SYNE2: variants seen among roughly 807,000 people sequenced by gnomAD.
SYNE2 encodes the protein nesprin-2.
In SYNE2, 431 loss-of-function variants were observed where a neutral mutation model predicts 856.3. That is an observed-to-expected ratio of 0.50 (90% confidence interval 0.47 to 0.55). The LOEUF is 0.55. SYNE2 is among the 20% of genes least tolerant of loss of function. SYNE2 has a pLI of 0.00. For missense variants in SYNE2, 8,129 were observed against 8,023.2 expected (o/e 1.01, Z -0.50); for synonymous variants, 2,923 against 2,872.3 (o/e 1.02, Z -0.56).
intron 57 of SYNE2, among the ~76,000 whole-genome samples, chr14:64,083,512 C>T (rs902193685): frequency 6.6e-6 from 1 of 152,004 alleles, no homozygotes; most frequent in East Asian, 1.9e-4. Context: ...AACTTCAGGA[C>T]ATTCTAAATT....
chr14:64,175,186 A>G (rs1267901585), intron 95 of SYNE2, 48 bp downstream of exon 95: 2 of 1,600,200 alleles, frequency 1.2e-6, no homozygotes, highest in African/African-American at 1.3e-5. Context: ...AATTCAGTAC[A>G]TAGATTTTCA....
intron 58 of SYNE2, among the ~76,000 whole-genome samples, chr14:64,089,270 G>A (rs1057255411): frequency 4.0e-5 from 6 of 151,160 alleles, no homozygotes; most frequent in South Asian, 2.1e-4. Flanking sequence ...GGAGGCTGAG[G>A]CAGGAGAATC....
At chr14:64,098,961 C>A (rs149018845) in intron 63 of SYNE2, 140 bp downstream of exon 63, 20 of 830,756 alleles carry the variant, frequency 2.4e-5, no homozygotes, top group African/African-American at 1.9e-4. Flanking sequence ...TGAAGTAGTT[C>A]TCTTATGTTA....
chr14:64,037,111 T>C (rs1317778710), intron 45 of SYNE2, among the ~76,000 whole-genome samples: 2 of 152,030 alleles, frequency 1.3e-5, no homozygotes, highest in Non-Finnish European at 2.9e-5. Flanking sequence ...GGGGAGCATT[T>C]TTGACAGAAA....
chr14:63,878,881 A>C (rs1272128705), intron 1 of SYNE2, among the ~76,000 whole-genome samples: 1 of 152,228 alleles, frequency 6.6e-6, no homozygotes, highest in Non-Finnish European at 1.5e-5. Flanking sequence ...AAAAAAGAAA[A>C]AAATCTAGGC....
chr14:64,170,538 A>C, intron 94 of SYNE2, 76 bp downstream of exon 94: 1 of 1,420,702 alleles, frequency 7.0e-7, no homozygotes, highest in East Asian at 2.5e-5. Context: ...CCTTTGGTTT[A>C]ATGTTTTTGA....
At chr14:64,167,887 G>A (rs1166239372) in intron 92 of SYNE2, among the ~76,000 whole-genome samples, 1 of 152,174 alleles carries the variant, frequency 6.6e-6, no homozygotes, top group Non-Finnish European at 1.5e-5. Context: ...GAAGCTTCTA[G>A]TACAACTTTG....
In SYNE2 at chr14:64,100,531, A is replaced by AATAT. The variant is rs1204839640; in HGVS notation, c.12382-1364_12382-1361dup. 8.5e-3 allele frequency among the ~76,000 whole-genome samples: 336 copies of AATAT among 39,314 alleles called. 10 individuals carry two copies. The highest frequency in any genetic ancestry group is 0.012 in the Non-Finnish European group (252 of 21,388). 25.8% of individuals were successfully genotyped at this position (39,314 alleles called of 152,430 possible). ...AACTGTCTCAAAAAAAAAAAAAAAA[A>AATAT]ATATATATATATATATATATATATA... On this transcript the variant is annotated intron_variant, in intron 63 of 115. Coordinates refer to ENST00000555002, the MANE Select transcript of SYNE2 (RefSeq NM_182914.3).
chr14:63,982,570 TA>T, intron 16 of SYNE2, 59 bp from the exon 17 acceptor site: 5 of 1,414,994 alleles, frequency 3.5e-6, no homozygotes, highest in Non-Finnish European at 4.0e-6. Flanking sequence ...ACATTGATTA[TA>T]CATAATAGAA....
chr14:64,039,461 T>C (rs1226991520), intron 45 of SYNE2, among the ~76,000 whole-genome samples: 2 of 152,212 alleles, frequency 1.3e-5, no homozygotes, highest in African/African-American at 4.8e-5. Context: ...GATCAAAATG[T>C]CGTGGTCCTG....
At chr14:64,163,674 G>A (rs1595921691) in intron 89 of SYNE2, 93 bp downstream of exon 89, 1 of 1,477,506 alleles carries the variant, frequency 6.8e-7, no homozygotes, top group East Asian at 2.3e-5. Context: ...TGCTTTACGG[G>A]CTGCTCCTTA....
intron 100 of SYNE2, chr14:64,208,270 T>A: frequency 2.4e-6 from 1 of 415,862 alleles, no homozygotes; most frequent in Non-Finnish European, 4.7e-6. Context: ...GCATCCACAC[T>A]GCTGCATGCA....
intron 1 of SYNE2, among the ~76,000 whole-genome samples, chr14:63,817,095 C>A (rs181622494): frequency 8.3e-4 from 126 of 152,242 alleles, no homozygotes; most frequent in African/African-American, 2.9e-3. Flanking sequence ...CCCTTGGATT[C>A]GACAATTCCA....
intron 109 of SYNE2, among the ~76,000 whole-genome samples, chr14:64,218,892 C>T (rs775371256): frequency 6.6e-6 from 1 of 152,114 alleles, no homozygotes; most frequent in Admixed American, 6.5e-5. Flanking sequence ...CTGACAGCAT[C>T]GACCTGGTCA....
At position 64,003,245 on chromosome 14, in the gene SYNE2, G is replaced by A. The variant is rs2096768921; in HGVS notation, c.4312G>A (p.Glu1438Lys). ...LLEACIFKNN[E>K]LLKNIQDVQS... Reference sequence around the variant, plus strand: ...AGAGGCTTGTATTTTCAAAAATAATGAACTCCTTAAAAATATTCAAGATGT... The same window carrying A: ...AGAGGCTTGTATTTTCAAAAATAATAAACTCCTTAAAAATATTCAAGATGT... Residue 1438 changes from glutamate to lysine, a missense_variant, in exon 30 of 116, where the codon GAA becomes AAA. Glu to Lys is a moderately conservative substitution (Grantham distance 56). This residue lies in a region of SYNE2 where 2,422 missense variants were observed against 2,357.4 expected (regional missense o/e 1.03). Transcript: ENST00000555002. The A allele has an allele frequency of 6.2e-7, 1 of 1,613,752 alleles. No individual in the cohort carries two copies. The highest frequency in any genetic ancestry group is 8.5e-7 in the Non-Finnish European group (1 of 1,179,906).
chr14:63,763,260 G>A (rs1414532894), intron 1 of SYNE2, among the ~76,000 whole-genome samples: 1 of 152,190 alleles, frequency 6.6e-6, no homozygotes, highest in African/African-American at 2.4e-5. Flanking sequence ...GAGCCACCAC[G>A]CCTGGCCAAC....
At chr14:63,791,964 A>G (rs983745230) in intron 1 of SYNE2, among the ~76,000 whole-genome samples, 3 of 151,706 alleles carry the variant, frequency 2.0e-5, no homozygotes, top group African/African-American at 7.3e-5. Flanking sequence ...ACAAAAACAA[A>G]ACTTAAAAAT....
intron 2 of SYNE2, among the ~76,000 whole-genome samples, chr14:63,931,352 C>T (rs2095751672): frequency 6.6e-6 from 1 of 151,956 alleles, no homozygotes; most frequent in Non-Finnish European, 1.5e-5. Context: ...GAGTTTGAGA[C>T]CAGCCTGGCC....
chr14:63,960,972 A>G, intron 8 of SYNE2: 1 of 531,716 alleles, frequency 1.9e-6, no homozygotes, highest in South Asian at 2.7e-5. Context: ...TGGACTCTTA[A>G]TGCAACACAA....
Sources: allele counts gnomAD v4.1 joint callset (sites outside exome capture counted in the v4.1 genomes callset), GRCh38; gene constraint gnomAD v4.1.1; regional missense constraint gnomAD v4.1.1; transcripts MANE v1.5; gene names NCBI Gene and HGNC (gene_info 2026-07-23, HGNC 2026-07-21).